Variants in GLOD5 observed in about 807,000 individuals in gnomAD.
GLOD5 encodes glyoxalase domain containing 5, also known as glyoxalase domain-containing protein 5.
Under a neutral mutation model 9.9 loss-of-function variants are expected in GLOD5, and 7 were observed. The observed-to-expected ratio is 0.71, with a 90% CI of 0.40 to 1.33. GLOD5 has a LOEUF of 1.33. GLOD5 is among the 40% of genes most tolerant of loss of function. The probability of loss-of-function intolerance (pLI) is 0.01; values close to 1 mark genes in which losing one functional copy is unlikely to be tolerated. For missense variants in GLOD5, 146 were observed against 128.4 expected (o/e 1.14, Z -0.66); for synonymous variants, 49 against 47.3 (o/e 1.04, Z -0.14).
At chrX:48,769,912 G>C (rs2062618072) in intron 2 of GLOD5, among the ~76,000 whole-genome samples, 1 of 103,614 alleles carries the variant, frequency 9.7e-6, no homozygotes, top group Admixed American at 1.1e-4. Flanking sequence ...CTGGGAGGTT[G>C]AGGCTGCAGT....
intron 1 of GLOD5, 113 bp from the exon 2 acceptor site, chrX:48,765,722 G>T (rs781914739): frequency 1.7e-5 from 14 of 845,172 alleles, no homozygotes; most frequent in South Asian, 4.2e-5. Flanking sequence ...CCCCTTGAAG[G>T]GGGGTGAGGA....
intron 2 of GLOD5, among the ~76,000 whole-genome samples, chrX:48,767,680 A>T (rs1557016862): frequency 9.0e-6 from 1 of 111,652 alleles, no homozygotes; most frequent in East Asian, 2.8e-4. Context: ...ATTGCACTCC[A>T]GCCTGGGCGA....
chrX:48,767,682 C>T (rs2062612809), intron 2 of GLOD5, among the ~76,000 whole-genome samples: 1 of 111,118 alleles, frequency 9.0e-6, no homozygotes, highest in Non-Finnish European at 1.9e-5. Context: ...TGCACTCCAG[C>T]CTGGGCGACA....
intron 3 of GLOD5, 110 bp from the exon 4 acceptor site, chrX:48,773,200 A>C (rs1321077868): frequency 1.1e-5 from 10 of 912,862 alleles, no homozygotes; most frequent in Non-Finnish European, 1.2e-5. Context: ...ACTGCACTCC[A>C]GCCTGGGTGA....
At chrX:48,770,527 C>G (rs1238623372) in intron 2 of GLOD5, among the ~76,000 whole-genome samples, 1 of 111,409 alleles carries the variant, frequency 9.0e-6, no homozygotes, top group Non-Finnish European at 1.9e-5. Flanking sequence ...CCCATCCACA[C>G]CTCTGCCCCC....
In GLOD5 at chrX:48,761,802, T is replaced by C; in HGVS notation, c.12T>C (p.His4=). 2 of 1,166,571 alleles carry C rather than the reference T, an allele frequency of 1.7e-6. No homozygotes were observed. Among genetic ancestry groups the C allele is most frequent in the Non-Finnish European group, 2.3e-6 (2 of 872,092 alleles). ...ACGCCTACCCTGCCATGCTGCGCCATCTGCCCTCCAGGCTGCCAGTCAAGA... is the reference window on the plus strand; with the variant it reads ...ACGCCTACCCTGCCATGCTGCGCCACCTGCCCTCCAGGCTGCCAGTCAAGA... MLR[H]LPSRLPVKMW... The change falls in exon 1 of 4, where the codon CAT becomes CAC. Residue 4 remains histidine, a synonymous_variant. Coordinates refer to ENST00000303227, the MANE Select transcript of GLOD5 (RefSeq NM_001080489.3).
chrX:48,771,316 C>CT lies in GLOD5; in HGVS notation c.357+251dup, dbSNP rs147569348. The stretch of plus-strand genomic sequence containing the variant: ...AAACCTACATTTATGCACTGAAATA[C>CT]TTTTTTTTTTTTTTTTTGAGACAGA... On this transcript the variant is annotated intron_variant, in intron 3 of 3. Transcript: ENST00000303227. Among the ~76,000 whole-genome samples, 643 of 99,664 alleles carry CT rather than the reference C, an allele frequency of 6.5e-3. 7 individuals are homozygous for CT. Among genetic ancestry groups the CT allele is most frequent in the African/African-American group, 0.018 (493 of 27,662 alleles). 86.5% of individuals were successfully genotyped at this position (99,664 alleles called of 115,157 possible). A position where few individuals can be genotyped will look rare whatever the true frequency, so the allele number is the denominator to read the frequency against.
At chrX:48,765,571 C>G in intron 1 of GLOD5, 2 of 286,160 alleles carry the variant, frequency 7.0e-6, no homozygotes, top group South Asian at 6.1e-5. Context: ...GAGTGAGACT[C>G]TGTCTCAAAA....
intron 2 of GLOD5, among the ~76,000 whole-genome samples, chrX:48,767,272 G>A (rs1264850435): frequency 9.0e-6 from 1 of 111,237 alleles, no homozygotes; most frequent in Non-Finnish European, 1.9e-5. Context: ...GCTTCAGTAA[G>A]TGAATGGATG....
chrX:48,761,806 C>T lies in GLOD5; in HGVS notation c.16C>T (p.Pro6Ser), dbSNP rs1200323147. The change falls in exon 1 of 4, where the codon CCC becomes TCC. Residue 6 changes from proline to serine, a missense_variant. Pro to Ser is a moderately conservative substitution (Grantham distance 74). Transcript: ENST00000303227. Reference protein sequence around the residue: MLRHLPSRLPVKMWGR... With the variant: MLRHLSSRLPVKMWGR... ...CTACCCTGCCATGCTGCGCCATCTG[C>T]CCTCCAGGCTGCCAGTCAAGATGTG... 3.4e-6 allele frequency: 4 copies of T among 1,164,513 alleles called. No homozygotes were observed. The African/African-American group carries it at 7.2e-5, about 21-fold the overall frequency.
rs1557017330 is a variant in GLOD5 at position 48,771,061 on chromosome X, G to C, written c.336G>C (p.Glu112Asp). ...DICLITEVPL[E>D]EMIQHLKACD... ...GTCTGATCACAGAGGTGCCTTTGGA[G>C]GAAATGATCCAGCACCTCAAGGTGA... The change falls in exon 3 of 4, where the codon GAG (glutamate) becomes GAC (aspartate). Residue 112 changes from glutamate to aspartate, a missense_variant. Physicochemically the swap from Glu to Asp is conservative, Grantham distance 45. Transcript: ENST00000303227. 8.4e-6 allele frequency: 10 copies of C among 1,194,370 alleles called. No homozygotes were observed. In the South Asian group the frequency reaches 1.9e-4, roughly 22 times the overall value.
intron 2 of GLOD5, among the ~76,000 whole-genome samples, chrX:48,769,042 A>C (rs1327216080): frequency 9.1e-6 from 1 of 110,003 alleles, no homozygotes; most frequent in Non-Finnish European, 1.9e-5. Flanking sequence ...AAAAAAAAAA[A>C]AAGTGAAATA....
chrX:48,766,668 T>C (rs1207929291), intron 2 of GLOD5, among the ~76,000 whole-genome samples: 4 of 109,984 alleles, frequency 3.6e-5, no homozygotes, highest in Non-Finnish European at 7.6e-5. Context: ...TGAGAATTGC[T>C]TGAGCCTGGG....
rs5906707 is a variant in GLOD5 at position 48,761,779 on chromosome X, G to A, written c.-12G>A. 255,980 of 1,159,023 alleles carry A rather than the reference G, an allele frequency of 0.22. 22,975 individuals are homozygous for A. The highest frequency in any genetic ancestry group is 0.59 in the African/African-American group (32,307 of 54,871). ...TGTCGGGAGGACCCTGGGCAAAGAC[G>A]CCTACCCTGCCATGCTGCGCCATCT... On this transcript the variant is annotated 5_prime_UTR_variant, in exon 1 of 4. Coordinates refer to ENST00000303227, the MANE Select transcript of GLOD5 (RefSeq NM_001080489.3).
Position 48,762,980 on chromosome X carries a change from GGAA to G in GLOD5, c.63+1131_63+1133del, listed in dbSNP as rs1218909981. Among the ~76,000 whole-genome samples, 3 of 111,988 alleles carry G rather than the reference GGAA, an allele frequency of 2.7e-5. No homozygotes were observed. In the Middle Eastern group the frequency reaches 0.014, roughly 521 times the overall value. ...CTGGGGAGTGAATCTAAGCTGGCAG[GGAA>G]GAATAGAATAATGGGAGGAATAGGT... On this transcript the variant is annotated intron_variant, in intron 1 of 3. Transcript: ENST00000303227.
intron 1 of GLOD5, among the ~76,000 whole-genome samples, chrX:48,763,822 C>T (rs1219532371): frequency 2.7e-5 from 3 of 112,393 alleles, no homozygotes; most frequent in Admixed American, 9.4e-5. Context: ...TTGTATCCAC[C>T]GGGAGAGCAA....
At chrX:48,769,993 C>T (rs1383690229) in intron 2 of GLOD5, among the ~76,000 whole-genome samples, 2 of 96,441 alleles carry the variant, frequency 2.1e-5, no homozygotes, top group East Asian at 3.3e-4. Context: ...AAAAAAAAGA[C>T]GCCAGGCACA....
At chrX:48,762,023 C>A (rs1239152198) in intron 1 of GLOD5, among the ~76,000 whole-genome samples, 170 bp downstream of exon 1, 1 of 111,059 alleles carries the variant, frequency 9.0e-6, no homozygotes, top group Non-Finnish European at 1.9e-5. Context: ...CGGCTCTAAG[C>A]CATGGAGGGC....
intron 2 of GLOD5, among the ~76,000 whole-genome samples, chrX:48,769,805 C>T (rs782069135): frequency 3.8e-5 from 4 of 106,492 alleles, no homozygotes; most frequent in East Asian, 3.0e-4. Context: ...CGGGGAGACC[C>T]GGTCTCTACA....
Sources: allele counts gnomAD v4.1 joint callset (sites outside exome capture counted in the v4.1 genomes callset), GRCh38; gene constraint gnomAD v4.1.1; transcripts MANE v1.5; gene names NCBI Gene and HGNC (gene_info 2026-07-23, HGNC 2026-07-21).